ZNF91: variants seen among roughly 807,000 people sequenced by gnomAD.
The protein encoded by ZNF91 is zinc finger protein 91.
A neutral mutation model predicts 12.6 loss-of-function variants in ZNF91; 7 were observed. The ratio of observed to expected loss-of-function variants is 0.55; its 90% confidence interval spans 0.31 to 1.04. The LOEUF is 1.04. ZNF91 is among the 50% of genes least tolerant of loss of function. The pLI is 0.05. For missense variants in ZNF91, 1,217 were observed against 1,385.4 expected (o/e 0.88, Z 1.93); for synonymous variants, 453 against 462.6 (o/e 0.98, Z 0.27).
intron 1 of ZNF91, among the ~76,000 whole-genome samples, chr19:23,316,326 T>C (rs993837270): frequency 2.0e-5 from 3 of 152,178 alleles, no homozygotes. Context: ...GCTGTCTTCT[T>C]CTCCCTGAAC....
At chr19:23,395,166 C>G (rs559847672) in intron 1 of ZNF91, among the ~76,000 whole-genome samples, 159 bp downstream of exon 1, 1 of 152,302 alleles carries the variant, frequency 6.6e-6, no homozygotes, top group Admixed American at 6.5e-5. Context: ...CAGCCGCCAT[C>G]TTATCGCTGA....
intron 3 of ZNF91, among the ~76,000 whole-genome samples, chr19:23,351,567 G>T (rs1287426465): frequency 1.3e-5 from 2 of 152,132 alleles, no homozygotes; most frequent in Non-Finnish European, 2.9e-5. Context: ...GTAAATGATT[G>T]CAATTCTAAA....
At chr19:23,307,520 G>A (rs1967413892) in intron 2 of ZNF91, 1 of 152,294 alleles carries the variant, frequency 6.6e-6, no homozygotes, top group African/African-American at 2.4e-5. Flanking sequence ...CCTAAATGAT[G>A]TGATTCTCTT....
At chr19:23,331,123 T>A (rs1027299926) in intron 1 of ZNF91, among the ~76,000 whole-genome samples, 1 of 152,214 alleles carries the variant, frequency 6.6e-6, no homozygotes, top group Non-Finnish European at 1.5e-5. Flanking sequence ...TGCACTGTTA[T>A]AGTGCTGCTT....
chr19:23,360,549 G>A lies in ZNF91; in HGVS notation c.2430C>T (p.Ser810=), dbSNP rs569954133. The A allele has an allele frequency of 1.4e-5, 22 of 1,612,106 alleles. No individual in the cohort carries two copies. The African/African-American group carries it at 2.8e-4, about 21-fold the overall frequency. The change falls in exon 4 of 4, where the codon TCC becomes TCT. Residue 810 remains serine (S), a synonymous_variant. Transcript: ENST00000300619. ...CEECGKAFSR[S]STLTKHKTIH... ...TTGTCTTATGCTTAGTAAGGGTTGA[G>A]GAACGGCTAAAAGCTTTGCCACATT... is the stretch of plus-strand genomic sequence containing the variant.
At chr19:23,387,514 T>G (rs1268506062) in intron 1 of ZNF91, among the ~76,000 whole-genome samples, 1 of 151,824 alleles carries the variant, frequency 6.6e-6, no homozygotes, top group African/African-American at 2.4e-5. Flanking sequence ...CTCAGGAGTT[T>G]GAGACCAGCC....
chr19:23,389,996 TA>T (rs1970007222), intron 1 of ZNF91, among the ~76,000 whole-genome samples: 2 of 152,138 alleles, frequency 1.3e-5, no homozygotes, highest in South Asian at 4.1e-4. Context: ...CGGAACACTG[TA>T]GTCATATTTA....
chr19:23,392,778 G>A (rs1032451599), intron 1 of ZNF91, among the ~76,000 whole-genome samples: 11 of 152,142 alleles, frequency 7.2e-5, no homozygotes, highest in South Asian at 2.1e-4. Flanking sequence ...CAGCCTGGGC[G>A]ACAGAGCAAG....
downstream of ZNF91, among the ~76,000 whole-genome samples, chr19:23,353,078 T>C (rs773495835): frequency 7.2e-5 from 11 of 152,078 alleles, no homozygotes; most frequent in Middle Eastern, 3.2e-3. Flanking sequence ...AAAGAAACAA[T>C]GGATTTAAAC....
chr19:23,312,374 G>A (rs1357326279), upstream of ZNF91, among the ~76,000 whole-genome samples: 1 of 152,154 alleles, frequency 6.6e-6, no homozygotes, highest in African/African-American at 2.4e-5. Context: ...CTGGGCTTAG[G>A]AAAATGGGTC....
chr19:23,323,424 CCTT>C (rs1338311591), intron 1 of ZNF91, among the ~76,000 whole-genome samples: 2 of 149,876 alleles, frequency 1.3e-5, no homozygotes, highest in East Asian at 2.0e-4. Flanking sequence ...CTACTTTCCT[CCTT>C]CTCCCCATTC....
At chr19:23,340,182 T>A (rs1968093161) in intron 3 of ZNF91, 1 of 151,758 alleles carries the variant, frequency 6.6e-6, no homozygotes, top group South Asian at 2.1e-4. Flanking sequence ...AGGAAATAAA[T>A]AAAAATCAGA....
chr19:23,324,224 C>T (rs1008142198), intron 1 of ZNF91: 17 of 152,232 alleles, frequency 1.1e-4, no homozygotes, highest in African/African-American at 3.9e-4. Flanking sequence ...CTCCTCTCCT[C>T]TCCTGGTCCT....
At position 23,357,723 on chromosome 19, in the gene ZNF91, A is replaced by C. The variant is rs931744357; in HGVS notation, c.*1680T>G. 3.9e-4 allele frequency: 59 copies of C among 152,222 alleles called. No individual in the cohort carries two copies. The highest frequency in any genetic ancestry group is 9.2e-4 in the Admixed American group (14 of 15,280). 9.4% of individuals were successfully genotyped at this position (152,222 alleles called of 1,614,324 possible). On this transcript the variant is annotated 3_prime_UTR_variant, in exon 4 of 4. Coordinates refer to ENST00000300619, the MANE Select transcript of ZNF91 (RefSeq NM_003430.4). Reference sequence around the variant, plus strand: ...TGGATTTTACTTATGTTTGTATATAAGTTTTATTATGACCATAAAAATAAT... The same window carrying C: ...TGGATTTTACTTATGTTTGTATATACGTTTTATTATGACCATAAAAATAAT...
chr19:23,385,383 T>A (rs1220183209), intron 1 of ZNF91: 1 of 333,156 alleles, frequency 3.0e-6, no homozygotes, highest in Non-Finnish European at 5.4e-6. Flanking sequence ...GAAGCTGTAT[T>A]TGCAGTTTTG....
intron 3 of ZNF91, among the ~76,000 whole-genome samples, chr19:23,369,357 C>T (rs1969166843): frequency 6.6e-6 from 1 of 151,310 alleles, no homozygotes; most frequent in Non-Finnish European, 1.5e-5. Context: ...GCAGCCCCCA[C>T]CCGGCCAGCC....
At chr19:23,389,987 G>A (rs918897047) in intron 1 of ZNF91, among the ~76,000 whole-genome samples, 2 of 152,202 alleles carry the variant, frequency 1.3e-5, no homozygotes, top group Middle Eastern at 3.4e-3. Context: ...AGAACTCAGC[G>A]GAACACTGTA....
chr19:23,320,720 A>C (rs1967671996), intron 1 of ZNF91, among the ~76,000 whole-genome samples: 1 of 152,206 alleles, frequency 6.6e-6, no homozygotes, highest in Non-Finnish European at 1.5e-5. Flanking sequence ...GTATCTCATA[A>C]ATTCTTTGGG....
chr19:23,310,005 G>A (rs1006625165), intron 1 of ZNF91, among the ~76,000 whole-genome samples: 3 of 152,174 alleles, frequency 2.0e-5, no homozygotes, highest in African/African-American at 7.2e-5. Flanking sequence ...TCTGTCCAGA[G>A]TTGTGATGGT....
Sources: allele counts gnomAD v4.1 joint callset (sites outside exome capture counted in the v4.1 genomes callset), GRCh38; gene constraint gnomAD v4.1.1; transcripts MANE v1.5; gene names NCBI Gene and HGNC (gene_info 2026-07-23, HGNC 2026-07-21).